ASAP1: variants seen among roughly 807,000 people sequenced by gnomAD.
ASAP1 encodes the protein arf-GAP with SH3 domain, ANK repeat and PH domain-containing protein 1.
ASAP1 carries 43 observed loss-of-function variants against 145.2 expected under a neutral mutation model. The observed-to-expected ratio is 0.30, with a 90% CI of 0.23 to 0.38. The LOEUF (loss-of-function observed/expected upper bound fraction) is 0.38, where lower values mean the gene tolerates loss of function less well. Among genes scored for constraint, ASAP1 ranks in the 10% least tolerant of loss-of-function variants. The probability of loss-of-function intolerance (pLI) is 1.00; values close to 1 mark genes in which losing one functional copy is unlikely to be tolerated. For synonymous variants in ASAP1, 546 were observed against 515.5 expected, an observed-to-expected ratio of 1.06 and a Z score of -0.80; for missense variants, 1,018 against 1,355.3, an observed-to-expected ratio of 0.75 and a Z score of 3.91.
intron 28 of ASAP1, among the ~76,000 whole-genome samples, chr8:130,059,390 C>G (rs2097412551): frequency 6.6e-6 from 1 of 151,966 alleles, no homozygotes; most frequent in Admixed American, 6.6e-5. Context: ...GGTCATGAAT[C>G]CTGGGCTCAA....
chr8:130,295,333 G>A (rs934744384), intron 3 of ASAP1, among the ~76,000 whole-genome samples: 1 of 151,918 alleles, frequency 6.6e-6, no homozygotes, highest in Admixed American at 6.6e-5. Context: ...TCTGAAGATA[G>A]TAACTCTTTT....
chr8:130,372,963 C>G (rs865953236), intron 2 of ASAP1, among the ~76,000 whole-genome samples: 4 of 144,712 alleles, frequency 2.8e-5, no homozygotes, highest in Non-Finnish European at 6.2e-5. Context: ...GGCATATACA[C>G]ACACAGACAT....
intron 3 of ASAP1, among the ~76,000 whole-genome samples, chr8:130,274,784 G>C (rs1307983106): frequency 2.0e-5 from 3 of 152,188 alleles, no homozygotes; most frequent in African/African-American, 4.8e-5. Flanking sequence ...CTCTGGCATA[G>C]AATCTTGATC....
chr8:130,098,611 G>C (rs962631512), intron 24 of ASAP1, among the ~76,000 whole-genome samples: 1 of 152,118 alleles, frequency 6.6e-6, no homozygotes, highest in Non-Finnish European at 1.5e-5. Context: ...GCCTCCCAAA[G>C]TGCCGAGATT....
chr8:130,326,983 C>A (rs945538786), intron 3 of ASAP1, among the ~76,000 whole-genome samples: 2 of 152,160 alleles, frequency 1.3e-5, no homozygotes, highest in Non-Finnish European at 2.9e-5. Flanking sequence ...CACATCAGAG[C>A]ACCATGATTT....
intron 3 of ASAP1, among the ~76,000 whole-genome samples, chr8:130,297,608 A>G (rs16904241): frequency 0.19 from 28,363 of 152,170 alleles, 3,333 homozygotes; most frequent in East Asian, 0.44. Flanking sequence ...CTCCCATCAC[A>G]ATAAAACCCC....
chr8:130,238,233 G>A (rs528870907), intron 3 of ASAP1, among the ~76,000 whole-genome samples: 465 of 152,130 alleles, frequency 3.1e-3, no homozygotes, highest in Middle Eastern at 6.8e-3. Context: ...CGGATTTCTG[G>A]GCTTGGAAAC....
intron 25 of ASAP1, chr8:130,083,482 G>A (rs1442862757): frequency 6.6e-6 from 1 of 152,154 alleles, no homozygotes; most frequent in South Asian, 2.1e-4. Context: ...AGACAAGTGT[G>A]GCTTTGAATT....
rs2097556606 is a variant in ASAP1 at position 130,116,667 on chromosome 8, T to C, written c.2064+11A>G. 2 of 1,612,738 alleles carry C rather than the reference T, an allele frequency of 1.2e-6. No homozygotes were observed. Among genetic ancestry groups the C allele is most frequent in the African/African-American group, 1.3e-5 (1 of 74,858 alleles). ...ATGTCTAATAAATCTCCCACGTCCA[T>C]TTTTGCTTACCAGATCTTCACACTG... is the stretch of plus-strand genomic sequence containing the variant. On this transcript the variant is annotated intron_variant, in intron 22 of 29. Coordinates refer to ENST00000518721, the MANE Select transcript of ASAP1 (RefSeq NM_018482.4).
intron 11 of ASAP1, among the ~76,000 whole-genome samples, chr8:130,161,624 G>T (rs2097669431): frequency 6.6e-6 from 1 of 152,030 alleles, no homozygotes; most frequent in Non-Finnish European, 1.5e-5. Context: ...CATTAAAGAG[G>T]TTACAAACTT....
At chr8:130,166,512 C>T (rs1429520022) in intron 11 of ASAP1, among the ~76,000 whole-genome samples, 1 of 152,122 alleles carries the variant, frequency 6.6e-6, no homozygotes, top group Non-Finnish European at 1.5e-5. Context: ...ATGTCTGCAG[C>T]CCCTTGAATA....
chr8:130,305,324 T>C (rs983530057), intron 3 of ASAP1, among the ~76,000 whole-genome samples: 7 of 152,246 alleles, frequency 4.6e-5, no homozygotes, highest in Admixed American at 6.5e-5. Context: ...TCCTGCCACA[T>C]TGTAGGTACT....
intron 3 of ASAP1, among the ~76,000 whole-genome samples, chr8:130,248,739 C>T (rs936484064): frequency 1.3e-5 from 2 of 152,104 alleles, no homozygotes; most frequent in African/African-American, 4.8e-5. Flanking sequence ...CAATCCACTT[C>T]CTCCTCTGGG....
intron 13 of ASAP1, among the ~76,000 whole-genome samples, chr8:130,150,802 C>T (rs1441504445): frequency 6.6e-6 from 1 of 152,096 alleles, no homozygotes; most frequent in African/African-American, 2.4e-5. Context: ...ATGGCTTGGG[C>T]CCAGGATGCA....
At chr8:130,374,330 T>C (rs1372244269) in intron 2 of ASAP1, among the ~76,000 whole-genome samples, 1 of 152,250 alleles carries the variant, frequency 6.6e-6, no homozygotes, top group Non-Finnish European at 1.5e-5. Flanking sequence ...TTGTTTTCCA[T>C]GAAGCTAATA....
intron 2 of ASAP1, among the ~76,000 whole-genome samples, chr8:130,383,763 G>A (rs542686797): frequency 6.6e-6 from 1 of 152,334 alleles, no homozygotes; most frequent in African/African-American, 2.4e-5. Flanking sequence ...GGCATCCCTG[G>A]ATCCAGGAGA....
At chr8:130,237,443 G>A (rs1818280469) in intron 3 of ASAP1, among the ~76,000 whole-genome samples, 1 of 151,956 alleles carries the variant, frequency 6.6e-6, no homozygotes. Context: ...ATAATGAGTA[G>A]GAATGACCTG....
intron 1 of ASAP1, among the ~76,000 whole-genome samples, chr8:130,438,101 G>A (rs1267472628): frequency 6.6e-6 from 1 of 152,192 alleles, no homozygotes; most frequent in African/African-American, 2.4e-5. Context: ...GCTCGTCGGT[G>A]GCCAAGAGAG....
In ASAP1 at chr8:130,058,020, A is replaced by T; in HGVS notation, c.3249T>A (p.Asp1083Glu). Reference sequence around the variant, plus strand: ...CTCCCTCGATGAATGTGAGCTCGTCATCGTTGTCTGCCTGGCAGTCATAAA... The same window carrying T: ...CTCCCTCGATGAATGTGAGCTCGTCTTCGTTGTCTGCCTGGCAGTCATAAA... ...KTIYDCQADN[D>E]DELTFIEGEV... The change falls in exon 29 of 30, where the codon GAT (aspartate) becomes GAA (glutamate). Residue 1083 changes from aspartate (D) to glutamate (E), a missense_variant. Physicochemically the swap from Asp to Glu is conservative, Grantham distance 45. Coordinates refer to ENST00000518721, the MANE Select transcript of ASAP1 (RefSeq NM_018482.4). 6.2e-7 allele frequency: 1 copy of T among 1,614,268 alleles called. No homozygotes were observed.
Sources: gnomAD v4.1 joint callset for allele counts (sites outside exome capture counted in the v4.1 genomes callset) on GRCh38, gnomAD v4.1.1 for gene constraint, MANE v1.5 for transcripts, NCBI Gene and HGNC (gene_info 2026-07-23, HGNC 2026-07-21) for gene names.